ATP9B: variants seen among roughly 807,000 people sequenced by gnomAD.
ATP9B encodes the protein probable phospholipid-transporting ATPase IIB.
In ATP9B, 110 loss-of-function variants were observed where a neutral mutation model predicts 146.1. The ratio of observed to expected loss-of-function variants is 0.75; its 90% CI spans 0.65 to 0.88. The LOEUF is 0.88. Among genes scored for constraint, ATP9B ranks in the 40% least tolerant of loss-of-function variants. The probability of loss-of-function intolerance (pLI) is 0.00; values close to 1 mark genes in which losing one functional copy is unlikely to be tolerated. For synonymous variants in ATP9B, 604 were observed against 569.7 expected (o/e 1.06, Z -0.86); for missense variants, 1,499 against 1,496.4 (o/e 1.00, Z -0.03).
At chr18:79,283,741 G>C (rs1176974707) in intron 13 of ATP9B, among the ~76,000 whole-genome samples, 1 of 152,196 alleles carries the variant, frequency 6.6e-6, no homozygotes, top group Non-Finnish European at 1.5e-5. Flanking sequence ...ACACTGACCA[G>C]AAATACTCGA....
intron 11 of ATP9B, among the ~76,000 whole-genome samples, chr18:79,249,573 C>A (rs1431196476): frequency 6.6e-6 from 1 of 152,184 alleles, no homozygotes; most frequent in Non-Finnish European, 1.5e-5. Context: ...CAAAAGTTAT[C>A]TGGTCTGTCC....
At chr18:79,098,438 A>G (rs1212933281) in intron 2 of ATP9B, among the ~76,000 whole-genome samples, 6 of 148,394 alleles carry the variant, frequency 4.0e-5, no homozygotes, top group East Asian at 4.0e-4. Flanking sequence ...CATCAGAGTG[A>G]ACAGGCAACC....
chr18:79,234,097 A>C, intron 11 of ATP9B, among the ~76,000 whole-genome samples: 1 of 152,152 alleles, frequency 6.6e-6, no homozygotes, highest in Non-Finnish European at 1.5e-5. Flanking sequence ...TGGTGAAAAC[A>C]AGAGTGGATA....
At chr18:79,159,325 C>T (rs958012667) in intron 7 of ATP9B, among the ~76,000 whole-genome samples, 1 of 152,136 alleles carries the variant, frequency 6.6e-6, no homozygotes, top group African/African-American at 2.4e-5. Flanking sequence ...TCCAGATGAG[C>T]TCCCTTTGCC....
chr18:79,303,727 T>G lies in ATP9B; in HGVS notation c.1524+11T>G. The G allele has an allele frequency of 1.9e-6, 3 of 1,603,900 alleles. No individual in the cohort carries two copies. The highest frequency in any genetic ancestry group is 2.6e-6 in the Non-Finnish European group (3 of 1,171,418). ...GACTCCTACTCACAGGTAAGTGGGT[T>G]CCTCCTGCACGGGGTCTGCTTCCAC... is the stretch of plus-strand genomic sequence containing the variant. On this transcript the variant is annotated intron_variant, in intron 14 of 29. Coordinates refer to ENST00000426216, the MANE Select transcript of ATP9B (RefSeq NM_198531.5).
In ATP9B at chr18:79,347,775, T is replaced by A. The variant is rs754350164; in HGVS notation, c.2688T>A (p.Gly896=). 1 of 1,564,908 alleles carries A rather than the reference T, an allele frequency of 6.4e-7. No homozygotes were observed. The highest frequency in any genetic ancestry group is 8.7e-7 in the Non-Finnish European group (1 of 1,155,468). The change falls in exon 24 of 30, where the codon GGT becomes GGA. Residue 896 remains glycine, a synonymous_variant. Transcript: ENST00000426216. ...CCCGTGTGCTTTTCTCTCAGGAGGG[T>A]AAACAGGCCTCGCTGGCGGCCGACT... ...DCGIGIEGKE[G]KQASLAADFS... is the part of the protein sequence containing the mutation.
Position 79,330,095 on chromosome 18 carries a change from G to A in ATP9B, c.2019G>A (p.Leu673=). ...MSPIVQYNDW[L]EEECGNMARE... is the part of the protein sequence containing the mutation. ...CTATCGTGCAGTATAATGACTGGCT[G>A]GAAGAGGAGGTATGTGAGTGACTCT... The change falls in exon 17 of 30, where the codon CTG becomes CTA. Residue 673 remains leucine, a synonymous_variant. Transcript: ENST00000426216. 1 of 1,613,880 alleles carries A rather than the reference G, an allele frequency of 6.2e-7. No homozygotes were observed. Among genetic ancestry groups the A allele is most frequent in the Non-Finnish European group, 8.5e-7 (1 of 1,179,786 alleles).
intron 26 of ATP9B, 64 bp downstream of exon 26, chr18:79,359,526 T>A: frequency 7.9e-7 from 1 of 1,265,560 alleles, no homozygotes; most frequent in South Asian, 1.2e-5. Flanking sequence ...TTTACACGAG[T>A]GAGAAACAGG....
At chr18:79,098,313 T>C (rs1301711008) in intron 2 of ATP9B, among the ~76,000 whole-genome samples, 1 of 149,948 alleles carries the variant, frequency 6.7e-6, no homozygotes, top group Non-Finnish European at 1.5e-5. Flanking sequence ...ATTCAGGACA[T>C]AGGCGTGGGC....
intron 8 of ATP9B, among the ~76,000 whole-genome samples, chr18:79,183,187 A>C (rs1002086543): frequency 2.4e-4 from 37 of 152,324 alleles, no homozygotes; most frequent in African/African-American, 7.9e-4. Flanking sequence ...CAAGTGTTTT[A>C]TTAGCTGCAT....
intron 6 of ATP9B, among the ~76,000 whole-genome samples, chr18:79,153,367 C>CT (rs1342332422): frequency 2.0e-5 from 3 of 152,050 alleles, no homozygotes; most frequent in Non-Finnish European, 2.9e-5. Flanking sequence ...CATAAAATGT[C>CT]TTTGAGTTTT....
chr18:79,279,560 G>A (rs1254398246), intron 13 of ATP9B, among the ~76,000 whole-genome samples: 1 of 152,146 alleles, frequency 6.6e-6, no homozygotes, highest in East Asian at 1.9e-4. Flanking sequence ...ATATGTATGA[G>A]TTTAATATCT....
At chr18:79,154,922 A>G (rs1425583968) in intron 7 of ATP9B, among the ~76,000 whole-genome samples, 1 of 152,258 alleles carries the variant, frequency 6.6e-6, no homozygotes, top group African/African-American at 2.4e-5. Context: ...TTAATTGTCA[A>G]TATTTAAAAG....
chr18:79,220,460 G>A (rs1048354365), intron 11 of ATP9B, among the ~76,000 whole-genome samples: 6 of 152,090 alleles, frequency 3.9e-5, no homozygotes, highest in Admixed American at 1.3e-4. Context: ...GATTCCCTGG[G>A]CGTGGTGGCA....
chr18:79,307,408 C>T (rs2096625658), intron 15 of ATP9B, 174 bp downstream of exon 15: 5 of 957,686 alleles, frequency 5.2e-6, no homozygotes, highest in South Asian at 5.2e-5. Context: ...TAGCCTCTGA[C>T]GTAGCCTGGG....
chr18:79,236,795 C>T (rs2144580332), intron 11 of ATP9B, among the ~76,000 whole-genome samples: 1 of 149,888 alleles, frequency 6.7e-6, no homozygotes, highest in African/African-American at 2.5e-5. Flanking sequence ...GCCCCTTCCC[C>T]ACTGTGTACA....
intron 4 of ATP9B, 40 bp from the exon 5 acceptor site, chr18:79,126,227 A>G (rs781347368): frequency 1.3e-6 from 2 of 1,505,028 alleles, no homozygotes; most frequent in Non-Finnish European, 1.8e-6. Context: ...CTTTTTTGTT[A>G]AAGTTTAGTT....
intron 12 of ATP9B, among the ~76,000 whole-genome samples, chr18:79,258,569 A>G (rs1213060510): frequency 6.6e-6 from 1 of 152,244 alleles, no homozygotes; most frequent in Non-Finnish European, 1.5e-5. Flanking sequence ...ATCTACATAC[A>G]ACACCCACAC....
chr18:79,185,614 T>G (rs1032816591), intron 8 of ATP9B, among the ~76,000 whole-genome samples: 4 of 152,248 alleles, frequency 2.6e-5, no homozygotes, highest in African/African-American at 9.6e-5. Flanking sequence ...CAATTTTATA[T>G]TTTAGCTTCA....
Sources: gnomAD v4.1 joint callset for allele counts (sites outside exome capture counted in the v4.1 genomes callset) on GRCh38, gnomAD v4.1.1 for gene constraint, MANE v1.5 for transcripts, NCBI Gene and HGNC (gene_info 2026-07-23, HGNC 2026-07-21) for gene names.